ASB12: variants seen among roughly 807,000 people sequenced by gnomAD.
ASB12 encodes ankyrin repeat and SOCS box containing 12, also known as ankyrin repeat and SOCS box protein 12.
In ASB12, 17 loss-of-function variants were observed where a neutral mutation model predicts 13.7. The observed-to-expected ratio is 1.24, with a 90% CI of 0.85 to 1.86. The LOEUF is 1.86. Ranked by LOEUF, ASB12 falls within the 40% of genes most tolerant of loss-of-function variation. The probability of loss-of-function intolerance (pLI) is 0.00; values close to 1 mark genes in which losing one functional copy is unlikely to be tolerated. For synonymous variants in ASB12, 107 were observed against 99.8 expected, an observed-to-expected ratio of 1.07 and a Z score of -0.43; for missense variants, 329 against 250.5, an observed-to-expected ratio of 1.31 and a Z score of -2.11.
At position 64,225,090 on chromosome X, in the gene ASB12, C is replaced by CA. The variant is rs1183939342; in HGVS notation, c.560dup (p.Leu187PhefsTer22). 1.7e-5 allele frequency: 21 copies of CA among 1,211,456 alleles called. No individual in the cohort carries two copies. Among genetic ancestry groups the CA allele is most frequent in the Non-Finnish European group, 2.2e-5 (20 of 895,454 alleles). On this transcript the variant is annotated frameshift_variant, in exon 2 of 3. Transcript: ENST00000362002. LOFTEE classifies it high-confidence loss of function. ...AGTCCAGGTGCCCGTAGACTGCGGCCAAATAGAGGGGGCCAGAACATGAAG... is the reference window on the plus strand; with the variant it reads ...AGTCCAGGTGCCCGTAGACTGCGGCCAAAATAGAGGGGGCCAGAACATGAAG...
At chrX:64,224,585 TA>T (rs1930892620) in intron 2 of ASB12, 117 bp from the exon 3 acceptor site, 45 of 926,029 alleles carry the variant, frequency 4.9e-5, no homozygotes, top group Non-Finnish European at 6.4e-5. Flanking sequence ...TTCCAAGAAA[TA>T]AACAGTCATT....
intron 1 of ASB12, among the ~76,000 whole-genome samples, chrX:64,229,205 T>C (rs1281433174): frequency 8.9e-6 from 1 of 111,873 alleles, no homozygotes; most frequent in African/African-American, 3.3e-5. Flanking sequence ...ATTCCCTCCT[T>C]AATATTTTAT....
intron 1 of ASB12, among the ~76,000 whole-genome samples, chrX:64,226,372 A>G (rs1245426745): frequency 8.9e-6 from 1 of 112,581 alleles, no homozygotes; most frequent in Non-Finnish European, 1.9e-5. Context: ...AGAAGTATTC[A>G]GGAAACTGGT....
chrX:64,228,010 G>T (rs1427210341), intron 1 of ASB12, among the ~76,000 whole-genome samples: 1 of 112,448 alleles, frequency 8.9e-6, no homozygotes, highest in Non-Finnish European at 1.9e-5. Flanking sequence ...CTCATAGGTA[G>T]TTTCTCTTTT....
chrX:64,225,367 T>C lies in ASB12; in HGVS notation c.284A>G (p.His95Arg), dbSNP rs1051965181. The change falls in exon 2 of 3, where the codon CAT (histidine) becomes CGT (arginine). Residue 95 changes from histidine (H) to arginine (R), a missense_variant. By Grantham distance (29) the His-to-Arg change is conservative. Transcript: ENST00000362002. ...ATCCAAGCTGTCAACATCAGCACCA[T>C]GGGCTAAGAGGACTTGCAAACAGCT... is the stretch of plus-strand genomic sequence containing the variant. The part of the protein sequence containing the change: ...HLSCLQVLLA[H>R]GADVDSLDVK... 18 of 1,208,588 alleles carry C rather than the reference T, an allele frequency of 1.5e-5. No homozygotes were observed. Among genetic ancestry groups the C allele is most frequent in the Non-Finnish European group, 1.8e-5 (16 of 893,924 alleles).
At chrX:64,229,025 C>T (rs1931004384) in intron 1 of ASB12, among the ~76,000 whole-genome samples, 1 of 111,350 alleles carries the variant, frequency 9.0e-6, no homozygotes, top group African/African-American at 3.3e-5. Context: ...TACTCCTCCT[C>T]CTGTTCTTTC....
In ASB12 at chrX:64,227,491, T is replaced by A. The variant is rs1930971027; in HGVS notation, c.-24-1817A>T. On this transcript the variant is annotated intron_variant, in intron 1 of 2. Coordinates refer to ENST00000362002, the MANE Select transcript of ASB12 (RefSeq NM_130388.4). ...CTTTTCTTCCCTGACTTTTCTGGAA[T>A]ATCTATCCCTACAGACCACTCCTCC... Among the ~76,000 whole-genome samples, 3 of 111,349 alleles carry A rather than the reference T, an allele frequency of 2.7e-5. No individual in the cohort carries two copies. In the Admixed American group the frequency reaches 2.9e-4, roughly 11 times the overall value.
intron 1 of ASB12, among the ~76,000 whole-genome samples, chrX:64,228,558 G>C (rs1930992436): frequency 9.0e-6 from 1 of 111,150 alleles, no homozygotes; most frequent in African/African-American, 3.3e-5. Context: ...TGCCTTGGAG[G>C]GTTCTTAGGA....
rs761700715 is a variant in ASB12, at chrX:64,225,092, A to C, written c.559T>G (p.Leu187Val). The stretch of plus-strand genomic sequence containing the variant: ...TCCAGGTGCCCGTAGACTGCGGCCA[A>C]ATAGAGGGGGCCAGAACATGAAGCT... Reference protein sequence around the residue: ...NIASCSGPLYLAAVYGHLDCF... With the variant: ...NIASCSGPLYVAAVYGHLDCF... The change falls in exon 2 of 3, where the codon TTG (leucine) becomes GTG (valine). Residue 187 changes from leucine (L) to valine (V), a missense_variant. By Grantham distance (32) the Leu-to-Val change is conservative. Coordinates refer to ENST00000362002, the MANE Select transcript of ASB12 (RefSeq NM_130388.4). 1.7e-6 allele frequency: 2 copies of C among 1,209,520 alleles called. No individual in the cohort carries two copies. Among genetic ancestry groups the C allele is most frequent in the African/African-American group, 3.5e-5 (2 of 56,969 alleles).
At chrX:64,229,072 C>T (rs1193819591) in intron 1 of ASB12, among the ~76,000 whole-genome samples, 1 of 111,515 alleles carries the variant, frequency 9.0e-6, no homozygotes, top group Admixed American at 9.5e-5. Flanking sequence ...ACCCCCCTCC[C>T]TTGACTCCAG....
In ASB12 at chrX:64,226,765, G is replaced by A. The variant is rs774560268; in HGVS notation, c.-24-1091C>T. The A allele has an allele frequency of 1.5e-5, 11 of 751,520 alleles. No homozygotes were observed. The East Asian group carries it at 6.1e-4, about 42-fold the overall frequency. 61.9% of individuals were successfully genotyped at this position (751,520 alleles called of 1,213,427 possible). ...CCTCAGTTTGTAATGTCATCAGGGCGAGCTGGCAGGTTTCTCAGAGCTTAA... is the reference window on the plus strand; with the variant it reads ...CCTCAGTTTGTAATGTCATCAGGGCAAGCTGGCAGGTTTCTCAGAGCTTAA... On this transcript the variant is annotated intron_variant, in intron 1 of 2. Transcript: ENST00000362002.
rs758810888 is a variant in ASB12 at position 64,225,174 on chromosome X, T to C, written c.477A>G (p.Leu159=). The change falls in exon 2 of 3, where the codon CTA becomes CTG. Residue 159 remains leucine (L), a synonymous_variant. Transcript: ENST00000362002. ...TGACGTTGGCCTCTGCACCATGGTC[T>C]AGGAGCTCCTGCAGGATAGCAACAG... is the stretch of plus-strand genomic sequence containing the variant. ...DGAVAILQEL[L]DHGAEANVKA... 1 of 1,211,480 alleles carries C rather than the reference T, an allele frequency of 8.3e-7. No homozygotes were observed. Among genetic ancestry groups the C allele is most frequent in the South Asian group, 1.8e-5 (1 of 56,884 alleles).
At chrX:64,228,075 C>A (rs1930981395) in intron 1 of ASB12, among the ~76,000 whole-genome samples, 1 of 112,308 alleles carries the variant, frequency 8.9e-6, no homozygotes, top group Non-Finnish European at 1.9e-5. Context: ...CATATCTGAT[C>A]TCTACCAATC....
intron 1 of ASB12, chrX:64,226,617 C>T (rs1470670440): frequency 4.0e-5 from 22 of 549,044 alleles, no homozygotes; most frequent in Non-Finnish European, 4.9e-5. Flanking sequence ...CAGGCTAGAG[C>T]CTTTGACTCA....
intron 1 of ASB12, among the ~76,000 whole-genome samples, chrX:64,229,028 GTTCT>G (rs1931004645): frequency 9.0e-6 from 1 of 111,203 alleles, no homozygotes; most frequent in Non-Finnish European, 1.9e-5. Context: ...TCCTCCTCCT[GTTCT>G]TTCTATTACA....
chrX:64,226,818 C>T, intron 1 of ASB12: 2 of 669,629 alleles, frequency 3.0e-6, no homozygotes, highest in Non-Finnish European at 3.6e-6. Context: ...TACCCTGCAG[C>T]TGAGGTCTCA....
At chrX:64,229,104 G>T (rs1931006751) in intron 1 of ASB12, among the ~76,000 whole-genome samples, 1 of 111,577 alleles carries the variant, frequency 9.0e-6, no homozygotes, top group African/African-American at 3.3e-5. Flanking sequence ...CAGCTCCCAG[G>T]ATCTTCAGCT....
chrX:64,224,979 G>A lies in ASB12; in HGVS notation c.672C>T (p.Arg224=), dbSNP rs1368467131. The A allele has an allele frequency of 5.8e-6, 7 of 1,209,934 alleles. No homozygotes were observed. Among genetic ancestry groups the A allele is most frequent in the Non-Finnish European group, 7.8e-6 (7 of 895,108 alleles). The stretch of plus-strand genomic sequence containing the variant: ...GATGGAGGCAGATTTCAAGGAGGGT[G>A]CGGGGTCTTGGGACACGAGCCAATA... ...QGLLARVPRP[R]TLLEICLHHN... The change falls in exon 2 of 3, where the codon CGC becomes CGT. Residue 224 remains arginine (R), a synonymous_variant. Transcript: ENST00000362002.
chrX:64,225,269 C>A lies in ASB12; in HGVS notation c.382G>T (p.Ala128Ser). The change falls in exon 2 of 3, where the codon GCT (alanine) becomes TCT (serine). Residue 128 changes from alanine to serine, a missense_variant. Physicochemically the swap from Ala to Ser is moderately conservative, Grantham distance 99. Coordinates refer to ENST00000362002, the MANE Select transcript of ASB12 (RefSeq NM_130388.4). ...HLDCVRVLLE[A>S]GASPGGSIYN... is the part of the protein sequence containing the mutation. The stretch of plus-strand genomic sequence containing the variant: ...ATGCTACCACCAGGAGAGGCACCAG[C>A]TTCCAAAAGCACACGTACACAGTCC... The A allele has an allele frequency of 1.7e-6, 2 of 1,211,243 alleles. No homozygotes were observed.
Sources: gnomAD v4.1 joint callset for allele counts (sites outside exome capture counted in the v4.1 genomes callset) on GRCh38, gnomAD v4.1.1 for gene constraint, MANE v1.5 for transcripts, NCBI Gene and HGNC (gene_info 2026-07-23, HGNC 2026-07-21) for gene names.